Variants in CNTNAP5 observed in about 807,000 individuals in gnomAD.
The protein encoded by CNTNAP5 is contactin associated protein family member 5.
CNTNAP5 carries 72 observed loss-of-function variants against 150.2 expected under a neutral mutation model. That is an observed-to-expected ratio of 0.48 (90% CI 0.40 to 0.58). The LOEUF (loss-of-function observed/expected upper bound fraction) is 0.58. CNTNAP5 is among the 20% of genes least tolerant of loss of function. The pLI is 0.00. For synonymous variants in CNTNAP5, 672 were observed against 619.8 expected (o/e 1.08, Z -1.25); for missense variants, 1,636 against 1,626.2 (o/e 1.01, Z -0.10).
chr2:124,558,525 C>T (rs1320369639), intron 10 of CNTNAP5, among the ~76,000 whole-genome samples: 3 of 152,246 alleles, frequency 2.0e-5, no homozygotes, highest in East Asian at 1.9e-4. Flanking sequence ...CAGATCTAAA[C>T]GTTGAAGTCA....
chr2:124,659,436 T>A (rs1433153303), intron 13 of CNTNAP5, among the ~76,000 whole-genome samples: 1 of 152,022 alleles, frequency 6.6e-6, no homozygotes, highest in East Asian at 1.9e-4. Flanking sequence ...AATAAAAAAA[T>A]AAAAAAATAA....
chr2:124,241,914 G>A (rs984197324), intron 2 of CNTNAP5, among the ~76,000 whole-genome samples: 1 of 152,086 alleles, frequency 6.6e-6, no homozygotes, highest in East Asian at 1.9e-4. Context: ...TAAAACAAAT[G>A]TCACTAGGAG....
intron 3 of CNTNAP5, among the ~76,000 whole-genome samples, chr2:124,411,364 C>G (rs1467272918): frequency 6.6e-6 from 1 of 152,044 alleles, no homozygotes; most frequent in East Asian, 1.9e-4. Context: ...GGGTATCCTC[C>G]CTAACTCATT....
intron 19 of CNTNAP5, among the ~76,000 whole-genome samples, chr2:124,840,559 C>A (rs1382051692): frequency 1.3e-5 from 2 of 152,056 alleles, no homozygotes; most frequent in Admixed American, 6.6e-5. Flanking sequence ...AACTAACAAC[C>A]TTATCACATC....
intron 12 of CNTNAP5, among the ~76,000 whole-genome samples, chr2:124,618,078 A>G (rs1677527865): frequency 6.6e-6 from 1 of 152,160 alleles, no homozygotes; most frequent in Admixed American, 6.5e-5. Context: ...GTGACTGAAC[A>G]GAAGAGAAAG....
At chr2:124,563,700 G>A (rs1695946379) in intron 11 of CNTNAP5, among the ~76,000 whole-genome samples, 2 of 152,194 alleles carry the variant, frequency 1.3e-5, no homozygotes, top group Non-Finnish European at 2.9e-5. Flanking sequence ...TGTGGTCTAA[G>A]TAACAAGGTC....
chr2:124,359,658 TG>T (rs1690139869), intron 3 of CNTNAP5, among the ~76,000 whole-genome samples: 1 of 121,864 alleles, frequency 8.2e-6, no homozygotes, highest in Non-Finnish European at 1.7e-5. Context: ...GATTGCACTG[TG>T]GTCTGAGAGA....
In CNTNAP5 at chr2:124,741,988, G is replaced by T. The variant is rs113555535; in HGVS notation, c.2078-5241G>T. The stretch of plus-strand genomic sequence containing the variant: ...GTTTATGATGCATTATCCTGTTTAG[G>T]ATAATTAGAAAAATAGAAACCTGCA... On this transcript the variant is annotated intron_variant, in intron 13 of 23. Transcript: ENST00000682447. Among the ~76,000 whole-genome samples the T allele has an allele frequency of 1.2e-4, 19 of 152,182 alleles. 1 individual carries two copies. Among genetic ancestry groups the T allele is most frequent in the African/African-American group, 4.1e-4 (17 of 41,524 alleles).
intron 18 of CNTNAP5, 150 bp downstream of exon 18, chr2:124,790,291 A>C: frequency 1.2e-6 from 1 of 863,018 alleles, no homozygotes; most frequent in Non-Finnish European, 1.8e-6. Context: ...ACGTAATTGC[A>C]TATACTTATT....
chr2:124,151,379 C>T (rs1684402699), intron 1 of CNTNAP5, among the ~76,000 whole-genome samples: 1 of 152,188 alleles, frequency 6.6e-6, no homozygotes, highest in South Asian at 2.1e-4. Context: ...CTTCTCTACG[C>T]TTCCTCATGA....
intron 1 of CNTNAP5, among the ~76,000 whole-genome samples, chr2:124,074,818 A>G (rs1189681050): frequency 2.0e-5 from 3 of 151,994 alleles, no homozygotes; most frequent in Non-Finnish European, 2.9e-5. Context: ...ATCATCATCT[A>G]TTGTCATTAT....
chr2:124,240,182 TAG>T (rs578257994), intron 2 of CNTNAP5, among the ~76,000 whole-genome samples: 3 of 152,184 alleles, frequency 2.0e-5, no homozygotes, highest in Admixed American at 6.5e-5. Flanking sequence ...CAGTGTCAAA[TAG>T]AGTCCAATGC....
chr2:124,339,006 G>T (rs1361124670), intron 3 of CNTNAP5, among the ~76,000 whole-genome samples: 1 of 152,076 alleles, frequency 6.6e-6, no homozygotes, highest in Admixed American at 6.6e-5. Context: ...TGAGACTTGG[G>T]GTAGTCATGG....
intron 4 of CNTNAP5, among the ~76,000 whole-genome samples, chr2:124,423,652 CTTTTTTTTTTTTTT>C (rs1187961580): frequency 4.8e-5 from 2 of 41,586 alleles, no homozygotes; most frequent in African/African-American, 1.0e-4. Flanking sequence ...GGCTAATTAA[CTTTTTTTTTTTTTT>C]TTTTTTTTTT....
chr2:124,026,965 A>G (rs908147754), intron 1 of CNTNAP5, among the ~76,000 whole-genome samples: 3 of 152,192 alleles, frequency 2.0e-5, no homozygotes, highest in Non-Finnish European at 2.9e-5. Context: ...TTCACAACTG[A>G]GCCAGTGTTT....
chr2:124,254,734 A>T (rs552989108), intron 3 of CNTNAP5, among the ~76,000 whole-genome samples: 1 of 152,328 alleles, frequency 6.6e-6, no homozygotes, highest in Admixed American at 6.5e-5. Flanking sequence ...CCAGAATCTC[A>T]GGAACCATTT....
At chr2:124,800,392 A>T (rs1681942697) in intron 19 of CNTNAP5, among the ~76,000 whole-genome samples, 1 of 150,526 alleles carries the variant, frequency 6.6e-6, no homozygotes, top group African/African-American at 2.4e-5. Flanking sequence ...CACACACACA[A>T]ATATATATAA....
chr2:124,793,062 T>C (rs924460334), intron 18 of CNTNAP5, among the ~76,000 whole-genome samples: 1 of 152,252 alleles, frequency 6.6e-6, no homozygotes, highest in African/African-American at 2.4e-5. Context: ...GAAGTGAGAT[T>C]GTTGTGTCAA....
chr2:124,180,913 G>A (rs1405119097), intron 1 of CNTNAP5, among the ~76,000 whole-genome samples: 1 of 151,792 alleles, frequency 6.6e-6, no homozygotes. Context: ...CCCTACAGAT[G>A]TATCAAGCCT....
Sources: gnomAD v4.1 joint callset for allele counts (sites outside exome capture counted in the v4.1 genomes callset) on GRCh38, gnomAD v4.1.1 for gene constraint, MANE v1.5 for transcripts, NCBI Gene and HGNC (gene_info 2026-07-23, HGNC 2026-07-21) for gene names.